Variants in UNC5C observed in about 807,000 individuals in gnomAD.
The protein encoded by UNC5C is netrin receptor UNC5C.
In UNC5C, 47 loss-of-function variants were observed where a neutral mutation model predicts 99.8. The ratio of observed to expected loss-of-function variants is 0.47; its 90% CI spans 0.37 to 0.60. The LOEUF (loss-of-function observed/expected upper bound fraction) is 0.60. Ranked by LOEUF, UNC5C falls within the 20% of genes least tolerant of loss-of-function variation. The pLI is 0.00. For missense variants in UNC5C, 1,062 were observed against 1,165.9 expected (o/e 0.91, Z 1.30); for synonymous variants, 487 against 452.2 (o/e 1.08, Z -0.98).
At chr4:95,258,746 C>CTTTTTTTCTTT (rs1740103368) in intron 4 of UNC5C, among the ~76,000 whole-genome samples, 63 of 76,046 alleles carry the variant, frequency 8.3e-4, no homozygotes, top group African/African-American at 2.7e-3. Flanking sequence ...CCATCTTATT[C>CTTTTTTTCTTT]TTTTTTTTTT....
At chr4:95,473,472 T>A (rs181653958) in intron 1 of UNC5C, among the ~76,000 whole-genome samples, 1 of 152,156 alleles carries the variant, frequency 6.6e-6, no homozygotes, top group African/African-American at 2.4e-5. Flanking sequence ...TTTCTCTTTT[T>A]TGCTGAGAAA....
chr4:95,239,097 GGGAACTTT>G (rs879676643), intron 7 of UNC5C, among the ~76,000 whole-genome samples: 1 of 152,096 alleles, frequency 6.6e-6, no homozygotes, highest in Admixed American at 6.6e-5. Flanking sequence ...TTGGGTGATT[GGGAACTTT>G]GTATTGTAAG....
intron 1 of UNC5C, among the ~76,000 whole-genome samples, chr4:95,501,018 T>C (rs1007860588): frequency 6.6e-6 from 1 of 152,120 alleles, no homozygotes; most frequent in Non-Finnish European, 1.5e-5. Flanking sequence ...ACTCCCTGTG[T>C]GTTAATAAAT....
At chr4:95,369,474 C>T (rs1382119397) in intron 1 of UNC5C, among the ~76,000 whole-genome samples, 1 of 151,832 alleles carries the variant, frequency 6.6e-6, no homozygotes, top group East Asian at 2.0e-4. Context: ...ATGGCTTGAG[C>T]CCAGGAGGCA....
chr4:95,420,566 A>G (rs756532001), intron 1 of UNC5C, among the ~76,000 whole-genome samples: 1 of 152,196 alleles, frequency 6.6e-6, no homozygotes, highest in African/African-American at 2.4e-5. Flanking sequence ...AAATTGGCCT[A>G]AACTCATTAG....
In UNC5C at chr4:95,347,702, C is replaced by T. The variant is rs570902865; in HGVS notation, c.125-12071G>A. ...AATGATGCTGAGAAAACTGGGTATCCGTAGGCAGAAGAAGGAAACTAGACC... is the reference window on the plus strand; with the variant it reads ...AATGATGCTGAGAAAACTGGGTATCTGTAGGCAGAAGAAGGAAACTAGACC... On this transcript the variant is annotated intron_variant, in intron 1 of 15. Transcript: ENST00000453304. Among the ~76,000 whole-genome samples the T allele has an allele frequency of 3.1e-4, 47 of 151,980 alleles. 1 individual carries two copies. The South Asian group carries it at 9.3e-3, about 30-fold the overall frequency.
chr4:95,348,461 C>T (rs555518194), intron 1 of UNC5C, among the ~76,000 whole-genome samples: 2 of 151,554 alleles, frequency 1.3e-5, no homozygotes, highest in East Asian at 2.0e-4. Flanking sequence ...ATTTGCACTC[C>T]CATGTTCATT....
Position 95,322,097 on chromosome 4 carries a change from T to A in UNC5C, c.346+13313A>T, listed in dbSNP as rs190695322. Among the ~76,000 whole-genome samples the A allele has an allele frequency of 1.9e-3, 297 of 152,326 alleles. 1 individual carries two copies. Among genetic ancestry groups the A allele is most frequent in the African/African-American group, 6.9e-3 (287 of 41,582 alleles). ...TACTCCCACTGACTTAAATAAAAAA[T>A]TATGGAATGAGGTTCAAGTAGAGTT... On this transcript the variant is annotated intron_variant, in intron 2 of 15. Coordinates refer to ENST00000453304, the MANE Select transcript of UNC5C (RefSeq NM_003728.4).
At position 95,167,701 on chromosome 4, in the gene UNC5C, A is replaced by C. The variant is rs1162794305; in HGVS notation, c.*1533T>G. 6.6e-6 allele frequency: 1 copy of C among 152,258 alleles called. No homozygotes were observed. The highest frequency in any genetic ancestry group is 1.5e-5 in the Non-Finnish European group (1 of 68,060). 9.4% of individuals were successfully genotyped at this position (152,258 alleles called of 1,614,324 possible). ...AGTGAACAGCATAATGCAATGATGC[A>C]GAGCGACTCAGGCCAAACAAACAAC... On this transcript the variant is annotated 3_prime_UTR_variant, in exon 16 of 16. Coordinates refer to ENST00000453304, the MANE Select transcript of UNC5C (RefSeq NM_003728.4).
intron 1 of UNC5C, among the ~76,000 whole-genome samples, chr4:95,521,235 G>A (rs1388998615): frequency 4.5e-5 from 4 of 89,548 alleles, no homozygotes; most frequent in Non-Finnish European, 6.9e-5. Context: ...TTTTTTTTTT[G>A]AGGTGGAGTT....
At chr4:95,245,452 G>T (rs543487085) in intron 5 of UNC5C, among the ~76,000 whole-genome samples, 1 of 152,020 alleles carries the variant, frequency 6.6e-6, no homozygotes, top group Admixed American at 6.6e-5. Context: ...ACCTAGTCAA[G>T]CTCCAAAATT....
intron 1 of UNC5C, among the ~76,000 whole-genome samples, chr4:95,423,611 A>G (rs1452420605): frequency 6.6e-6 from 1 of 152,228 alleles, no homozygotes; most frequent in East Asian, 1.9e-4. Context: ...AGTATTTAGA[A>G]TGTTTGGAAA....
In UNC5C at chr4:95,216,858, GAACCACCTGGAAAGCTTGTTA is replaced by G. The variant is rs565942612; in HGVS notation, c.1646-668_1646-648del. 3.5e-3 allele frequency among the ~76,000 whole-genome samples: 531 copies of G among 152,330 alleles called. 3 individuals carry two copies. The highest frequency in any genetic ancestry group is 5.9e-3 in the Non-Finnish European group (398 of 68,028). On this transcript the variant is annotated intron_variant, in intron 9 of 15. Transcript: ENST00000453304. The stretch of plus-strand genomic sequence containing the variant: ...GGCTTGCAAATTTGAGCTCAGGTCA[GAACCACCTGGAAAGCTTGTTA>G]AACCACAGATTACTGGTCCCTACCC...
At chr4:95,348,673 C>T (rs1314680179) in intron 1 of UNC5C, among the ~76,000 whole-genome samples, 1 of 150,442 alleles carries the variant, frequency 6.6e-6, no homozygotes, top group South Asian at 2.1e-4. Flanking sequence ...CATTTGTAAA[C>T]TACCTGCAAG....
intron 1 of UNC5C, among the ~76,000 whole-genome samples, chr4:95,412,486 T>TGAA (rs1159803460): frequency 1.3e-5 from 2 of 152,066 alleles, no homozygotes; most frequent in East Asian, 3.9e-4. Flanking sequence ...TTGAGGTTGT[T>TGAA]TTTCAAGTAT....
intron 1 of UNC5C, among the ~76,000 whole-genome samples, chr4:95,414,153 T>C (rs1363776422): frequency 6.6e-6 from 1 of 152,208 alleles, no homozygotes; most frequent in Non-Finnish European, 1.5e-5. Flanking sequence ...TTTTATCAGA[T>C]ATTTGGAATC....
intron 1 of UNC5C, among the ~76,000 whole-genome samples, chr4:95,526,122 T>G (rs1209274805): frequency 6.6e-6 from 1 of 152,176 alleles, no homozygotes; most frequent in Non-Finnish European, 1.5e-5. Flanking sequence ...ATAGTACATT[T>G]AATTCTAAAT....
At chr4:95,370,955 G>A (rs1392152027) in intron 1 of UNC5C, among the ~76,000 whole-genome samples, 1 of 152,162 alleles carries the variant, frequency 6.6e-6, no homozygotes, top group Non-Finnish European at 1.5e-5. Flanking sequence ...TCTTGACGTT[G>A]TTTATCTAGT....
chr4:95,349,697 T>TA (rs919893892), intron 1 of UNC5C, among the ~76,000 whole-genome samples: 37 of 151,730 alleles, frequency 2.4e-4, no homozygotes, highest in African/African-American at 7.3e-4. Context: ...ACTGACTCTA[T>TA]AAAAAAAATC....
Sources: allele counts gnomAD v4.1 joint callset (sites outside exome capture counted in the v4.1 genomes callset), GRCh38; gene constraint gnomAD v4.1.1; transcripts MANE v1.5; gene names NCBI Gene and HGNC (gene_info 2026-07-23, HGNC 2026-07-21).